Variants in GPC6 observed in about 807,000 individuals in gnomAD.
GPC6 encodes the protein glypican-6.
A neutral mutation model predicts 55.2 loss-of-function variants in GPC6; 14 were observed. The observed-to-expected ratio is 0.25, with a 90% CI of 0.17 to 0.40. The LOEUF (loss-of-function observed/expected upper bound fraction) is 0.40, where lower values mean the gene tolerates loss of function less well. Among genes scored for constraint, GPC6 ranks in the 10% least tolerant of loss-of-function variants. The pLI, the probability that GPC6 is intolerant of heterozygous loss-of-function variation, is 1.00. For synonymous variants in GPC6, 278 were observed against 259.6 expected, an observed-to-expected ratio of 1.07 and a Z score of -0.68; for missense variants, 641 against 708.5, an observed-to-expected ratio of 0.90 and a Z score of 1.08.
chr13:94,056,674 T>C (rs749456981), intron 4 of GPC6, among the ~76,000 whole-genome samples: 3 of 152,288 alleles, frequency 2.0e-5, no homozygotes, highest in South Asian at 4.1e-4. Flanking sequence ...TCATGAGTAG[T>C]AGATGTATAT....
Position 93,976,309 on chromosome 13 carries a change from G to A in GPC6, c.712-51420G>A, listed in dbSNP as rs564596045. Among the ~76,000 whole-genome samples the A allele has an allele frequency of 2.1e-5, 3 of 143,954 alleles. No homozygotes were observed. In the East Asian group the frequency reaches 6.7e-4, roughly 32 times the overall value. 94.4% of individuals were successfully genotyped at this position (143,954 alleles called of 152,430 possible). On this transcript the variant is annotated intron_variant, in intron 3 of 8. Coordinates refer to ENST00000377047, the MANE Select transcript of GPC6 (RefSeq NM_005708.5). ...AACATACTAATTATAGCCCTTCTAT[G>A]TCTTAAAGTAGACTTATTGGTTTGT...
intron 4 of GPC6, among the ~76,000 whole-genome samples, chr13:94,259,792 G>A (rs1891604452): frequency 6.6e-6 from 1 of 152,000 alleles, no homozygotes. Flanking sequence ...ATTTCACTTA[G>A]CAAAATGTTC....
intron 2 of GPC6, among the ~76,000 whole-genome samples, chr13:93,761,795 T>G (rs1336219430): frequency 6.6e-6 from 1 of 152,240 alleles, no homozygotes; most frequent in African/African-American, 2.4e-5. Flanking sequence ...TTTCAATATA[T>G]GTATGTACTG....
chr13:94,169,997 G>A (rs975048872), intron 4 of GPC6, among the ~76,000 whole-genome samples: 1 of 152,162 alleles, frequency 6.6e-6, no homozygotes, highest in African/African-American at 2.4e-5. Context: ...ACCTGTCACA[G>A]TTTCAACTTA....
intron 7 of GPC6, among the ~76,000 whole-genome samples, chr13:94,387,694 A>T (rs1250126344): frequency 6.6e-6 from 1 of 150,754 alleles, no homozygotes; most frequent in Non-Finnish European, 1.5e-5. Context: ...AGCCCTCATT[A>T]ATGGGATTAC....
intron 2 of GPC6, among the ~76,000 whole-genome samples, chr13:93,765,593 C>T (rs1400958271): frequency 6.6e-6 from 1 of 151,936 alleles, no homozygotes; most frequent in East Asian, 1.9e-4. Context: ...TAATGTATGC[C>T]CCAGGTTACC....
intron 4 of GPC6, among the ~76,000 whole-genome samples, chr13:94,040,738 G>T (rs1036974301): frequency 1.3e-5 from 2 of 151,708 alleles, no homozygotes; most frequent in African/African-American, 2.4e-5. Flanking sequence ...CTTCATAGAG[G>T]ATTTATATTT....
intron 1 of GPC6, among the ~76,000 whole-genome samples, chr13:93,419,254 A>T (rs1252094919): frequency 2.6e-5 from 4 of 151,698 alleles, no homozygotes; most frequent in Non-Finnish European, 5.9e-5. Flanking sequence ...TCTCTTTGTG[A>T]TTAGTTGAAA....
intron 2 of GPC6, among the ~76,000 whole-genome samples, chr13:93,566,382 C>A (rs755060289): frequency 6.6e-6 from 1 of 152,178 alleles, no homozygotes; most frequent in Admixed American, 6.5e-5. Context: ...AAATTTCACT[C>A]TATTAAATAT....
At chr13:94,328,548 G>A (rs1038745983) in intron 6 of GPC6, among the ~76,000 whole-genome samples, 7 of 152,306 alleles carry the variant, frequency 4.6e-5, no homozygotes, top group Admixed American at 2.0e-4. Flanking sequence ...GGCAGCTGCC[G>A]TCTGACATCA....
intron 4 of GPC6, among the ~76,000 whole-genome samples, chr13:94,042,142 A>C (rs899660068): frequency 6.6e-6 from 1 of 151,580 alleles, no homozygotes; most frequent in Non-Finnish European, 1.5e-5. Context: ...TGGTTGTTTA[A>C]AAGTATGTGG....
At chr13:93,827,996 A>G (rs145065196) in intron 2 of GPC6, among the ~76,000 whole-genome samples, 1 of 149,614 alleles carries the variant, frequency 6.7e-6, no homozygotes, top group African/African-American at 2.4e-5. Context: ...AGCAATGAGT[A>G]TCAGAGAATT....
At chr13:93,867,394 G>T (rs1471850503) in intron 3 of GPC6, among the ~76,000 whole-genome samples, 3 of 151,722 alleles carry the variant, frequency 2.0e-5, no homozygotes, top group Non-Finnish European at 2.9e-5. Flanking sequence ...CCATTCTTTA[G>T]CTATGGGATG....
At chr13:93,455,754 G>T (rs1183075839) in intron 1 of GPC6, among the ~76,000 whole-genome samples, 2 of 152,092 alleles carry the variant, frequency 1.3e-5, no homozygotes, top group African/African-American at 4.8e-5. Context: ...ATGTTTCATT[G>T]TGTCTCTTTT....
At chr13:93,887,001 A>G (rs942255215) in intron 3 of GPC6, among the ~76,000 whole-genome samples, 2 of 151,952 alleles carry the variant, frequency 1.3e-5, no homozygotes, top group African/African-American at 4.8e-5. Flanking sequence ...GTTTAACTCA[A>G]TGATAATAAG....
intron 2 of GPC6, among the ~76,000 whole-genome samples, chr13:93,817,135 T>A (rs1886881536): frequency 6.6e-6 from 1 of 152,206 alleles, no homozygotes; most frequent in South Asian, 2.1e-4. Flanking sequence ...CTCCATCACC[T>A]TGGAAGTTAC....
intron 7 of GPC6, among the ~76,000 whole-genome samples, chr13:94,387,677 A>C (rs530562214): frequency 8.6e-5 from 13 of 151,724 alleles, no homozygotes; most frequent in Non-Finnish European, 1.5e-4. Flanking sequence ...TTAGGTCTTG[A>C]GGGTGCAGCC....
intron 3 of GPC6, among the ~76,000 whole-genome samples, chr13:93,892,667 A>G (rs1875760080): frequency 6.6e-6 from 1 of 152,210 alleles, no homozygotes; most frequent in South Asian, 2.1e-4. Flanking sequence ...TGACATAGGT[A>G]TAGATATAGA....
At chr13:94,197,342 G>A (rs1889611062) in intron 4 of GPC6, among the ~76,000 whole-genome samples, 1 of 152,168 alleles carries the variant, frequency 6.6e-6, no homozygotes, top group African/African-American at 2.4e-5. Context: ...AAGAAGGGGA[G>A]CTATAACGGT....
Sources: gnomAD v4.1 joint callset for allele counts (sites outside exome capture counted in the v4.1 genomes callset) on GRCh38, gnomAD v4.1.1 for gene constraint, MANE v1.5 for transcripts, NCBI Gene and HGNC (gene_info 2026-07-23, HGNC 2026-07-21) for gene names.